Variants in SOX6 observed in about 807,000 individuals in gnomAD.
SOX6 encodes SRY-box transcription factor 6, also known as transcription factor SOX-6.
Under a neutral mutation model 97.8 loss-of-function variants are expected in SOX6, and 11 were observed. The observed-to-expected ratio is 0.11, with a 90% CI of 0.07 to 0.19. The LOEUF is 0.19. SOX6 is among the 10% of genes least tolerant of loss of function. The pLI, the probability that SOX6 is intolerant of heterozygous loss-of-function variation, is 1.00. For synonymous variants in SOX6, 360 were observed against 371.4 expected (o/e 0.97, Z 0.35); for missense variants, 810 against 1,039.5 (o/e 0.78, Z 3.04).
intron 1 of SOX6, among the ~76,000 whole-genome samples, chr11:16,405,988 T>C (rs1858677801): frequency 6.6e-6 from 1 of 152,088 alleles, no homozygotes; most frequent in Non-Finnish European, 1.5e-5. Flanking sequence ...TGAACTTACC[T>C]CAATTACTTG....
At chr11:16,442,925 C>A (rs934141639) in intron 1 of SOX6, among the ~76,000 whole-genome samples, 1 of 152,120 alleles carries the variant, frequency 6.6e-6, no homozygotes, top group Non-Finnish European at 1.5e-5. Flanking sequence ...AGGTTCATAT[C>A]AGGAAATAAT....
intron 9 of SOX6, among the ~76,000 whole-genome samples, chr11:16,069,641 C>T (rs4756844): frequency 0.037 from 5,587 of 152,146 alleles, 127 homozygotes; most frequent in Middle Eastern, 0.15. Context: ...AAGGTGTTTT[C>T]AGATTTTTAA....
intron 4 of SOX6, among the ~76,000 whole-genome samples, chr11:16,218,220 T>A (rs1398276920): frequency 2.0e-5 from 3 of 152,122 alleles, no homozygotes; most frequent in African/African-American, 7.2e-5. Context: ...AGGGCCACTT[T>A]TTTTTACTGA....
chr11:16,508,017 A>C (rs919544259), intron 4 of SOX6, among the ~76,000 whole-genome samples: 2 of 152,174 alleles, frequency 1.3e-5, no homozygotes, highest in African/African-American at 4.8e-5. Context: ...ATTTACAAGA[A>C]ACTAAAACAA....
At chr11:16,417,222 T>A (rs1236797098) in intron 1 of SOX6, among the ~76,000 whole-genome samples, 3 of 152,164 alleles carry the variant, frequency 2.0e-5, no homozygotes, top group Admixed American at 6.5e-5. Context: ...CACATTTACT[T>A]TGGGTTCCAT....
chr11:16,299,051 A>G (rs1855177399), intron 3 of SOX6, among the ~76,000 whole-genome samples: 1 of 152,194 alleles, frequency 6.6e-6, no homozygotes, highest in African/African-American at 2.4e-5. Flanking sequence ...TAGTTAAATT[A>G]CTTTAAATTT....
At chr11:16,642,823 T>A (rs188318221) in intron 3 of SOX6, among the ~76,000 whole-genome samples, 17 of 152,340 alleles carry the variant, frequency 1.1e-4, no homozygotes, top group African/African-American at 4.1e-4. Flanking sequence ...ATCTAATCTT[T>A]TTTCAAGGTT....
intron 3 of SOX6, among the ~76,000 whole-genome samples, chr11:16,658,618 G>C (rs956854493): frequency 2.0e-5 from 3 of 151,986 alleles, no homozygotes; most frequent in African/African-American, 7.3e-5. Context: ...TGAGGCAAGA[G>C]AATGGCGTGA....
At chr11:16,007,630 A>C (rs1854595516) in intron 13 of SOX6, among the ~76,000 whole-genome samples, 1 of 152,128 alleles carries the variant, frequency 6.6e-6, no homozygotes, top group Non-Finnish European at 1.5e-5. Context: ...AACTAGCTTG[A>C]TGCTCATTAA....
At position 16,307,886 on chromosome 11, in the gene SOX6, G is replaced by C. The variant is rs560956494; in HGVS notation, c.445+10560C>G. 2.6e-5 allele frequency among the ~76,000 whole-genome samples: 4 copies of C among 152,072 alleles called. No homozygotes were observed. The South Asian group carries it at 8.3e-4, about 32-fold the overall frequency. On this transcript the variant is annotated intron_variant, in intron 3 of 15. Coordinates refer to ENST00000683767, the MANE Select transcript of SOX6 (RefSeq NM_001367873.1). ...AATTCATTATTTGAGAGCAATTAGGGGAATCCACAGTCTTCTAATTTCTGC... is the reference window on the plus strand; with the variant it reads ...AATTCATTATTTGAGAGCAATTAGGCGAATCCACAGTCTTCTAATTTCTGC...
At chr11:16,120,432 C>T (rs1334374237) in intron 6 of SOX6, among the ~76,000 whole-genome samples, 1 of 151,626 alleles carries the variant, frequency 6.6e-6, no homozygotes, top group African/African-American at 2.4e-5. Context: ...CATTAAAGGG[C>T]CAAGTAAACT....
intron 3 of SOX6, among the ~76,000 whole-genome samples, chr11:16,680,752 G>A (rs778612902): frequency 6.6e-6 from 1 of 152,100 alleles, no homozygotes; most frequent in Non-Finnish European, 1.5e-5. Context: ...CAAAATAAAG[G>A]GATGGAAGAA....
At chr11:16,263,505 C>T (rs1446855791) in intron 3 of SOX6, among the ~76,000 whole-genome samples, 2 of 151,888 alleles carry the variant, frequency 1.3e-5, no homozygotes, top group African/African-American at 4.8e-5. Flanking sequence ...GTAAGCTGCT[C>T]ATCAGATATG....
chr11:16,041,335 G>A (rs1380613052), intron 12 of SOX6, among the ~76,000 whole-genome samples: 1 of 152,028 alleles, frequency 6.6e-6, no homozygotes, highest in Non-Finnish European at 1.5e-5. Flanking sequence ...TGAATAACAA[G>A]GAGCTATGGT....
At chr11:16,132,445 AAAGAAAG>A (rs1849828879) in intron 6 of SOX6, among the ~76,000 whole-genome samples, 1 of 11,886 alleles carries the variant, frequency 8.4e-5, no homozygotes, top group African/African-American at 3.6e-4. Flanking sequence ...AAGAAAGAAA[AAAGAAAG>A]AAAGAAAGAA....
chr11:16,418,666 T>A (rs1858970782), intron 1 of SOX6, among the ~76,000 whole-genome samples: 1 of 149,522 alleles, frequency 6.7e-6, no homozygotes, highest in Admixed American at 6.7e-5. Flanking sequence ...AAAACAGTGG[T>A]AGACAAAAAG....
At chr11:15,993,192 T>C (rs1237765169) in intron 13 of SOX6, among the ~76,000 whole-genome samples, 1 of 152,236 alleles carries the variant, frequency 6.6e-6, no homozygotes, top group Non-Finnish European at 1.5e-5. Context: ...TAAATTGTTT[T>C]CAAAAGGTAT....
At chr11:16,192,563 T>C (rs1215505760) in intron 4 of SOX6, among the ~76,000 whole-genome samples, 1 of 152,062 alleles carries the variant, frequency 6.6e-6, no homozygotes, top group Non-Finnish European at 1.5e-5. Flanking sequence ...CCCTCTAGCC[T>C]TTTTTGGTCA....
At position 15,989,127 on chromosome 11, in the gene SOX6, G is replaced by T. The variant is rs759362106; in HGVS notation, c.1836C>A (p.Arg612=). Residue 612 remains arginine, a synonymous_variant, in exon 14 of 16, where the codon CGC becomes CGA. Transcript: ENST00000683767. ...VAEARVYRDA[R]GRASSEPHIK... is the part of the protein sequence containing the mutation. ...TGTGTGGCTCGCTGCTGGCACGGCCGCGGGCGTCCCTGTAGACTCGTGCTT... is the reference window on the plus strand; with the variant it reads ...TGTGTGGCTCGCTGCTGGCACGGCCTCGGGCGTCCCTGTAGACTCGTGCTT... 1 of 1,614,180 alleles carries T rather than the reference G, an allele frequency of 6.2e-7. No homozygotes were observed. Among genetic ancestry groups the T allele is most frequent in the African/African-American group, 1.3e-5 (1 of 75,036 alleles).
Sources: allele counts gnomAD v4.1 joint callset (sites outside exome capture counted in the v4.1 genomes callset), GRCh38; gene constraint gnomAD v4.1.1; transcripts MANE v1.5; gene names NCBI Gene and HGNC (gene_info 2026-07-23, HGNC 2026-07-21).